Variants in SLC12A8 observed in about 807,000 individuals in gnomAD.
SLC12A8 encodes solute carrier family 12 member 8, also known as cation-chloride cotransporter 9.
In SLC12A8, 69 loss-of-function variants were observed where a neutral mutation model predicts 75.6. The ratio of observed to expected loss-of-function variants is 0.91; its 90% CI spans 0.75 to 1.11. The LOEUF is 1.11. Ranked by LOEUF, SLC12A8 falls within the 50% of genes most tolerant of loss-of-function variation. The probability of loss-of-function intolerance (pLI) is 0.00; values close to 1 mark genes in which losing one functional copy is unlikely to be tolerated. For missense variants in SLC12A8, 877 were observed against 896.7 expected (o/e 0.98, Z 0.28); for synonymous variants, 365 against 372.8 (o/e 0.98, Z 0.24).
chr3:125,160,533 G>T (rs923859347), intron 5 of SLC12A8, among the ~76,000 whole-genome samples: 2 of 152,158 alleles, frequency 1.3e-5, no homozygotes, highest in African/African-American at 4.8e-5. Flanking sequence ...CTTGCTGAGG[G>T]GGTCCTTCTC....
At chr3:125,135,444 T>G (rs1933463295) in intron 6 of SLC12A8, among the ~76,000 whole-genome samples, 1 of 152,156 alleles carries the variant, frequency 6.6e-6, no homozygotes, top group East Asian at 1.9e-4. Flanking sequence ...TTTTTATGTT[T>G]GAGGCCAGGG....
At chr3:125,208,475 G>C (rs1935268005) in intron 2 of SLC12A8, among the ~76,000 whole-genome samples, 1 of 152,086 alleles carries the variant, frequency 6.6e-6, no homozygotes, top group South Asian at 2.1e-4. Context: ...TATAATATAA[G>C]CTGAATGCTG....
At chr3:125,175,963 C>T (rs1057162152) in intron 5 of SLC12A8, among the ~76,000 whole-genome samples, 4 of 152,028 alleles carry the variant, frequency 2.6e-5, no homozygotes, top group African/African-American at 7.3e-5. Flanking sequence ...GTAGGGGATA[C>T]TCAGGGAGTT....
chr3:125,109,913 T>G (rs1051736397), intron 9 of SLC12A8, among the ~76,000 whole-genome samples: 3 of 152,154 alleles, frequency 2.0e-5, no homozygotes, highest in Non-Finnish European at 4.4e-5. Context: ...CTGCTCAGGG[T>G]CCAAGATGGT....
intron 5 of SLC12A8, among the ~76,000 whole-genome samples, chr3:125,175,907 G>A (rs780218706): frequency 1.1e-4 from 16 of 152,120 alleles, no homozygotes; most frequent in South Asian, 2.1e-4. Flanking sequence ...GTGCCGGATC[G>A]TTGGGGCATC....
chr3:125,096,320 A>G (rs1335923896), intron 10 of SLC12A8, among the ~76,000 whole-genome samples: 2 of 152,088 alleles, frequency 1.3e-5, no homozygotes, highest in Non-Finnish European at 2.9e-5. Context: ...CCATTACTCT[A>G]TTATTATTCA....
intron 2 of SLC12A8, among the ~76,000 whole-genome samples, chr3:125,203,791 A>G (rs1935176575): frequency 6.6e-6 from 1 of 152,252 alleles, no homozygotes; most frequent in African/African-American, 2.4e-5. Flanking sequence ...AGTAGAGTGA[A>G]AAGACAACCT....
At chr3:125,128,370 C>T (rs565989716) in intron 6 of SLC12A8, among the ~76,000 whole-genome samples, 13 of 143,722 alleles carry the variant, frequency 9.0e-5, no homozygotes, top group African/African-American at 2.1e-4. Context: ...TTAGTAGAGA[C>T]GGGGTTTCAC....
chr3:125,207,824 A>C (rs1186780371), intron 2 of SLC12A8, among the ~76,000 whole-genome samples: 2 of 152,172 alleles, frequency 1.3e-5, no homozygotes, highest in Non-Finnish European at 1.5e-5. Context: ...TCAAGCCCCA[A>C]GTTTCACAGC....
At chr3:125,209,978 A>G (rs1054241896) in intron 2 of SLC12A8, among the ~76,000 whole-genome samples, 18 of 152,198 alleles carry the variant, frequency 1.2e-4, no homozygotes, top group Non-Finnish European at 2.2e-4. Context: ...GAAAGAAAGG[A>G]TGGATTTCTA....
At chr3:125,186,678 T>C (rs1934790640) in intron 4 of SLC12A8, among the ~76,000 whole-genome samples, 1 of 152,222 alleles carries the variant, frequency 6.6e-6, no homozygotes, top group Admixed American at 6.5e-5. Flanking sequence ...GTTTTCGGAG[T>C]GCCTCCGTCC....
chr3:125,097,275 G>A (rs190532969), intron 10 of SLC12A8, among the ~76,000 whole-genome samples: 5 of 151,938 alleles, frequency 3.3e-5, no homozygotes, highest in African/African-American at 1.2e-4. Flanking sequence ...TGTAATCCCA[G>A]CTACTTGGGA....
intron 2 of SLC12A8, among the ~76,000 whole-genome samples, chr3:125,198,870 C>T (rs575937376): frequency 2.6e-5 from 4 of 151,504 alleles, no homozygotes; most frequent in Admixed American, 2.0e-4. Context: ...CTCCACCTCT[C>T]GAGTTCATGC....
intron 10 of SLC12A8, among the ~76,000 whole-genome samples, chr3:125,106,356 T>TTTTTTTGTTGTTG (rs567362846): frequency 6.3e-4 from 95 of 151,942 alleles, no homozygotes; most frequent in African/African-American, 2.2e-3. Context: ...TTTGGGGTTT[T>TTTTTTTGTTGTTG]TTGTTGTTGT....
intron 9 of SLC12A8, 33 bp downstream of exon 9, chr3:125,110,156 C>CA (rs750250655): frequency 4.0e-5 from 64 of 1,595,532 alleles, no homozygotes; most frequent in Non-Finnish European, 5.3e-5. Flanking sequence ...AAACATGTTT[C>CA]AAAAAACAAA....
chr3:125,209,609 T>G (rs1003513991), intron 2 of SLC12A8, among the ~76,000 whole-genome samples: 6 of 152,228 alleles, frequency 3.9e-5, no homozygotes, highest in Non-Finnish European at 1.5e-5. Context: ...TGCCAGGTAT[T>G]GGGGATACAA....
chr3:125,135,663 C>A lies in SLC12A8; in HGVS notation c.736+6G>T. The A allele has an allele frequency of 1.3e-6, 2 of 1,571,212 alleles. No homozygotes were observed. The highest frequency in any genetic ancestry group is 2.4e-5 in the South Asian group (2 of 84,238). On this transcript the variant is annotated splice_donor_region_variant and intron_variant, in intron 6 of 13. Transcript: ENST00000469902. ...TGAGAGTAAAAAAGAACCCAGATTA[C>A]AATACCTGTAGCCGCTGGGAAGAAA... is the stretch of plus-strand genomic sequence containing the variant.
At chr3:125,160,678 T>C (rs1400926614) in intron 5 of SLC12A8, among the ~76,000 whole-genome samples, 1 of 152,212 alleles carries the variant, frequency 6.6e-6, no homozygotes, top group African/African-American at 2.4e-5. Flanking sequence ...CATGGATCCC[T>C]AAAAGTGGCA....
At chr3:125,115,595 TTAGAAA>T (rs1939290364) in intron 8 of SLC12A8, among the ~76,000 whole-genome samples, 1 of 149,214 alleles carries the variant, frequency 6.7e-6, no homozygotes, top group Admixed American at 6.7e-5. Flanking sequence ...AGCCAAATAA[TTAGAAA>T]TAGATCAGAG....
Sources: allele counts gnomAD v4.1 joint callset (sites outside exome capture counted in the v4.1 genomes callset), GRCh38; gene constraint gnomAD v4.1.1; transcripts MANE v1.5; gene names NCBI Gene and HGNC (gene_info 2026-07-23, HGNC 2026-07-21).